MDM1: variants seen among roughly 807,000 people sequenced by gnomAD.
MDM1 encodes Mdm1 nuclear protein.
MDM1 carries 61 observed loss-of-function variants against 89.1 expected under a neutral mutation model. The observed-to-expected ratio is 0.68, with a 90% CI of 0.56 to 0.85. The LOEUF (loss-of-function observed/expected upper bound fraction) is 0.85. Among genes scored for constraint, MDM1 ranks in the 40% least tolerant of loss-of-function variants. The pLI is 0.00. For synonymous variants in MDM1, 290 were observed against 294.1 expected (o/e 0.99, Z 0.14); for missense variants, 820 against 846.5 (o/e 0.97, Z 0.39).
At chr12:68,330,062 T>C (rs1876564726) in intron 2 of MDM1, among the ~76,000 whole-genome samples, 2 of 152,162 alleles carry the variant, frequency 1.3e-5, no homozygotes, top group Admixed American at 6.5e-5. Flanking sequence ...AAATATCACC[T>C]CCTCAAAAAG....
intron 12 of MDM1, among the ~76,000 whole-genome samples, chr12:68,309,859 C>T (rs934830950): frequency 6.6e-6 from 1 of 152,204 alleles, no homozygotes. Context: ...TGGGAAATAA[C>T]CAAATCTAGC....
chr12:68,323,400 G>A, intron 4 of MDM1, 160 bp from the exon 5 acceptor site: 1 of 549,262 alleles, frequency 1.8e-6, no homozygotes, highest in Admixed American at 3.9e-5. Flanking sequence ...AACATCCAAA[G>A]GTCAACTTTA....
chr12:68,324,112 T>TA (rs200911887), intron 4 of MDM1, among the ~76,000 whole-genome samples: 1,811 of 152,184 alleles, frequency 0.012, 16 homozygotes, highest in Middle Eastern at 0.027. Flanking sequence ...CATTTCCTTC[T>TA]AAAAAAAGTA....
chr12:68,302,785 C>G lies in MDM1; in HGVS notation c.1837G>C (p.Asp613His), dbSNP rs776800683. The change falls in exon 13 of 15, where the codon GAC becomes CAC. Residue 613 changes from aspartate to histidine, a missense_variant. Coordinates refer to ENST00000682720, the MANE Select transcript of MDM1 (RefSeq NM_001354969.2). Reference sequence around the variant, plus strand: ...GCCTCAGCAAATTTGTGGATATTGTCTTCAGAATCTTCCCGCAAAGGCAGA... The same window carrying G: ...GCCTCAGCAAATTTGTGGATATTGTGTTCAGAATCTTCCCGCAAAGGCAGA... ...DPLPLREDSEDNIHKFAEATL... is the reference protein window; with the variant it reads ...DPLPLREDSEHNIHKFAEATL... The G allele has an allele frequency of 6.2e-7, 1 of 1,611,100 alleles. No homozygotes were observed. The highest frequency in any genetic ancestry group is 1.7e-5 in the Admixed American group (1 of 59,390).
In MDM1 at chr12:68,321,408, G is replaced by A. The variant is rs376809711; in HGVS notation, c.944C>T (p.Pro315Leu). 24 of 1,613,672 alleles carry A rather than the reference G, an allele frequency of 1.5e-5. No homozygotes were observed. The highest frequency in any genetic ancestry group is 2.0e-5 in the Non-Finnish European group (24 of 1,179,882). ...CCCAGCTTTATATAAATACTGAGCT[G>A]GGCTCAGAAATTTTGCTCTATATTC... ...NSEYRAKFLS[P>L]AQYLYKAGAW... Residue 315 changes from proline (P) to leucine (L), a missense_variant, in exon 7 of 15, where the codon CCA (proline) becomes CTA (leucine). Coordinates refer to ENST00000682720, the MANE Select transcript of MDM1 (RefSeq NM_001354969.2).
chr12:68,332,219 C>A lies in MDM1; in HGVS notation c.18+9G>T. 1 of 1,570,250 alleles carries A rather than the reference C, an allele frequency of 6.4e-7. No homozygotes were observed. Among genetic ancestry groups the A allele is most frequent in the South Asian group, 1.2e-5 (1 of 85,514 alleles). Reference sequence around the variant, plus strand: ...CAGCCACATTCCGGCCCGGGGACCCCAGCCTCACCTTGAAGCGCACCGGCA... The same window carrying A: ...CAGCCACATTCCGGCCCGGGGACCCAAGCCTCACCTTGAAGCGCACCGGCA... On this transcript the variant is annotated intron_variant, in intron 1 of 14. Coordinates refer to ENST00000682720, the MANE Select transcript of MDM1 (RefSeq NM_001354969.2).
intron 7 of MDM1, among the ~76,000 whole-genome samples, chr12:68,318,510 C>T (rs1213524492): frequency 6.6e-6 from 1 of 152,126 alleles, no homozygotes; most frequent in Non-Finnish European, 1.5e-5. Context: ...TATCAACAAT[C>T]TTTATTAATC....
intron 8 of MDM1, 139 bp from the exon 9 acceptor site, chr12:68,316,392 T>C (rs1592975052): frequency 4.0e-6 from 4 of 1,004,680 alleles, no homozygotes; most frequent in East Asian, 2.6e-5. Context: ...CATACAGTCA[T>C]CAGACTGTGC....
rs1244643581 is a variant in MDM1 at position 68,314,926 on chromosome 12, CTGAG to C, written c.1529+18_1529+21del. On this transcript the variant is annotated intron_variant, in intron 10 of 14. Coordinates refer to ENST00000682720, the MANE Select transcript of MDM1 (RefSeq NM_001354969.2). ...ACCATGTAAATAACGCTTCTCTATA[CTGAG>C]TAATTTAAAACTCTCACCCTTCTTT... 6.3e-7 allele frequency: 1 copy of C among 1,580,458 alleles called. No homozygotes were observed. The highest frequency in any genetic ancestry group is 8.7e-7 in the Non-Finnish European group (1 of 1,151,596).
In MDM1 at chr12:68,313,552, C is replaced by T; in HGVS notation, c.1640G>A (p.Gly547Asp). Residue 547 changes from glycine to aspartate, a missense_variant and splice_region_variant, in exon 12 of 15, where the codon GGT becomes GAT. Transcript: ENST00000682720. ...THHDLTTPAV[G>D]GAVLVSPSKM... Reference sequence around the variant, plus strand: ...AGATGGAGACACTAAAACAGCACCACCTGGAAAAATAAAGATGACAGTTTC... The same window carrying T: ...AGATGGAGACACTAAAACAGCACCATCTGGAAAAATAAAGATGACAGTTTC... 2 of 1,612,762 alleles carry T rather than the reference C, an allele frequency of 1.2e-6. No individual in the cohort carries two copies. The highest frequency in any genetic ancestry group is 8.5e-7 in the Non-Finnish European group (1 of 1,178,980).
rs1874455274 is a variant in MDM1 at position 68,316,098 on chromosome 12, G to A, written c.1191C>T (p.Ile397=). Residue 397 remains isoleucine, a synonymous_variant, in exon 9 of 15, where the codon ATC becomes ATT. Transcript: ENST00000682720. ...TSSEGTVSSN[I]RALDLAGDPT... ...CTCACCCAGCAAGATCTAATGCTCTGATGTTGCTACTAACGGTTCCTTCTG... is the reference window on the plus strand; with the variant it reads ...CTCACCCAGCAAGATCTAATGCTCTAATGTTGCTACTAACGGTTCCTTCTG... The A allele has an allele frequency of 6.2e-7, 1 of 1,611,934 alleles. No individual in the cohort carries two copies. Among genetic ancestry groups the A allele is most frequent in the East Asian group, 2.2e-5 (1 of 44,800 alleles).
chr12:68,298,004 T>C (rs1171101938), intron 13 of MDM1, among the ~76,000 whole-genome samples: 1 of 152,152 alleles, frequency 6.6e-6, no homozygotes, highest in Non-Finnish European at 1.5e-5. Flanking sequence ...GGGAGTTTTA[T>C]AACCCTGCCC....
chr12:68,315,343 T>G (rs1326273256), intron 9 of MDM1, 78 bp from the exon 10 acceptor site: 10 of 1,336,874 alleles, frequency 7.5e-6, no homozygotes, highest in Non-Finnish European at 1.0e-5. Context: ...AGTGAGTCCA[T>G]CATTTCCTTC....
At chr12:68,307,308 A>T (rs1873031105) in intron 12 of MDM1, among the ~76,000 whole-genome samples, 1 of 152,214 alleles carries the variant, frequency 6.6e-6, no homozygotes, top group African/African-American at 2.4e-5. Context: ...ATACCAATGT[A>T]ACAAACTTGG....
rs749153378 is a variant in MDM1 at position 68,315,301 on chromosome 12, T to C, written c.1212-36A>G. The C allele has an allele frequency of 3.2e-5, 50 of 1,570,130 alleles. No homozygotes were observed. The South Asian group carries it at 5.7e-4, about 18-fold the overall frequency. ...AAATCAATTTTATTTTAAATGTGAA[T>C]AGTTTGCACTTTTCTAATCAACACC... is the stretch of plus-strand genomic sequence containing the variant. On this transcript the variant is annotated intron_variant, in intron 9 of 14. Transcript: ENST00000682720.
At chr12:68,312,629 T>C (rs1873847543) in intron 12 of MDM1, among the ~76,000 whole-genome samples, 1 of 152,174 alleles carries the variant, frequency 6.6e-6, no homozygotes. Flanking sequence ...AAAAACTAAA[T>C]AAAATCATGT....
intron 2 of MDM1, chr12:68,327,295 A>C: frequency 7.1e-7 from 1 of 1,417,052 alleles, no homozygotes; most frequent in Non-Finnish European, 9.2e-7. Flanking sequence ...TCCTAACAAA[A>C]GTCACTAGAA....
chr12:68,332,148 G>C (rs1247395584), intron 1 of MDM1, 80 bp downstream of exon 1: 1 of 1,502,070 alleles, frequency 6.7e-7, no homozygotes, highest in Non-Finnish European at 9.0e-7. Context: ...GCGCAGAAAA[G>C]CAGCGTGACC....
chr12:68,299,452 A>G (rs765470223), intron 13 of MDM1, among the ~76,000 whole-genome samples: 5 of 152,296 alleles, frequency 3.3e-5, no homozygotes, highest in African/African-American at 4.8e-5. Flanking sequence ...AGAAAATGCA[A>G]TCAGAACATC....
Sources: gnomAD v4.1 joint callset for allele counts (sites outside exome capture counted in the v4.1 genomes callset) on GRCh38, gnomAD v4.1.1 for gene constraint, MANE v1.5 for transcripts, NCBI Gene and HGNC (gene_info 2026-07-23, HGNC 2026-07-21) for gene names.